FSTL4: variants seen among roughly 807,000 people sequenced by gnomAD.
FSTL4 encodes the protein follistatin-related protein 4.
Under a neutral mutation model 78.2 loss-of-function variants are expected in FSTL4, and 28 were observed. The ratio of observed to expected loss-of-function variants is 0.36; its 90% confidence interval spans 0.27 to 0.49. FSTL4 has a LOEUF of 0.49. Among genes scored for constraint, FSTL4 ranks in the 20% least tolerant of loss-of-function variants. The probability of loss-of-function intolerance (pLI) is 0.98; values close to 1 mark genes in which losing one functional copy is unlikely to be tolerated. For synonymous variants in FSTL4, 422 were observed against 440.5 expected (o/e 0.96, Z 0.53); for missense variants, 922 against 1,084.9 (o/e 0.85, Z 2.11).
Position 133,199,406 on chromosome 5 carries a change from G to A in FSTL4, c.2218C>T (p.Gln740Ter), listed in dbSNP as rs1446494284. The change falls in exon 16 of 16, where the codon CAG (glutamine) becomes TAG (stop). Residue 740 changes from glutamine to a stop codon, truncating the protein, a stop_gained. Transcript: ENST00000265342. LOFTEE classifies it low-confidence loss of function (END_TRUNC). This position sits in a 1 kb window ranked among gnomAD's most constrained non-coding sequence, Gnocchi z 4.4. The part of the protein sequence containing the change: ...INSGISDLAF[Q>*]RSFTESNQYN... ...TGATTGCTTTCAGTGAAGGAGCGCT[G>A]GAAGGCCAAGTCTGAGATGCCCGAG... The A allele has an allele frequency of 6.2e-7, 1 of 1,614,078 alleles. No homozygotes were observed. Among genetic ancestry groups the A allele is most frequent in the Non-Finnish European group, 8.5e-7 (1 of 1,180,034 alleles).
chr5:133,684,217 G>A, the FSTL4 span, among the ~76,000 whole-genome samples: 3 of 152,186 alleles, frequency 2.0e-5, no homozygotes, highest in Non-Finnish European at 4.4e-5. Flanking sequence ...TGACGGGTAA[G>A]CAAAAGATAG....
the FSTL4 span, among the ~76,000 whole-genome samples, chr5:133,648,933 T>C: frequency 2.6e-5 from 4 of 152,198 alleles, no homozygotes; most frequent in Admixed American, 1.3e-4. Context: ...ATTCTATGTG[T>C]TCAGACAAAT....
intron 6 of FSTL4, among the ~76,000 whole-genome samples, chr5:133,268,946 C>T (rs1752700733): frequency 6.6e-6 from 1 of 151,772 alleles, no homozygotes; most frequent in South Asian, 2.1e-4. Context: ...TTTTGGGAGG[C>T]CGAGGTGGGT....
At chr5:133,350,428 T>C (rs997406567) in intron 4 of FSTL4, among the ~76,000 whole-genome samples, 1 of 152,244 alleles carries the variant, frequency 6.6e-6, no homozygotes, top group Non-Finnish European at 1.5e-5. Context: ...CCACACAGCA[T>C]GGGCAGATCT....
chr5:133,646,946 G>A, the FSTL4 span, among the ~76,000 whole-genome samples: 1 of 152,098 alleles, frequency 6.6e-6, no homozygotes, highest in Non-Finnish European at 1.5e-5. Context: ...TCCTGCAAAG[G>A]TGTTACTGGA....
At chr5:133,411,937 C>T (rs556845815) in intron 3 of FSTL4, among the ~76,000 whole-genome samples, 6 of 152,020 alleles carry the variant, frequency 3.9e-5, no homozygotes, top group South Asian at 2.1e-4. Flanking sequence ...AGGTGAAAAA[C>T]GGAAAAACCA....
chr5:133,220,834 A>C lies in FSTL4; in HGVS notation c.1372T>G (p.Ser458Ala), dbSNP rs760757129. Residue 458 changes from serine (S) to alanine (A), a missense_variant, in exon 12 of 16, where the codon TCC becomes GCC. Transcript: ENST00000265342. ...LSVGNMFYVF[S>A]DDGIIVIHPV... is the part of the protein sequence containing the mutation. The stretch of plus-strand genomic sequence containing the variant: ...TGGATGACGATGATACCGTCGTCGG[A>C]GAAGACATAGAACATGTTTCCCACG... The C allele has an allele frequency of 1.1e-5, 17 of 1,611,750 alleles. No homozygotes were observed. The South Asian group carries it at 1.2e-4, about 11-fold the overall frequency.
intron 4 of FSTL4, among the ~76,000 whole-genome samples, chr5:133,334,927 C>T (rs1485436268): frequency 6.6e-6 from 1 of 152,142 alleles, no homozygotes; most frequent in Non-Finnish European, 1.5e-5. Context: ...GAGAAGAATA[C>T]AAGGCCTAAG....
At chr5:133,493,164 G>A (rs541835950) in intron 3 of FSTL4, among the ~76,000 whole-genome samples, 26 of 151,736 alleles carry the variant, frequency 1.7e-4, no homozygotes, top group African/African-American at 5.1e-4. Flanking sequence ...GTTTTATTAC[G>A]TGAAGATTCT....
At chr5:133,624,928 A>C in the FSTL4 span, among the ~76,000 whole-genome samples, 1 of 151,636 alleles carries the variant, frequency 6.6e-6, no homozygotes, top group African/African-American at 2.4e-5. Context: ...CTCTTCATTT[A>C]TTTAGAGCGT....
intron 6 of FSTL4, among the ~76,000 whole-genome samples, chr5:133,300,073 A>G (rs942563019): frequency 2.0e-5 from 3 of 152,162 alleles, no homozygotes; most frequent in African/African-American, 4.8e-5. Flanking sequence ...AGCTCTGTCC[A>G]TCGCTTGGCC....
At chr5:133,551,865 T>C (rs1759697405) in intron 3 of FSTL4, among the ~76,000 whole-genome samples, 1 of 152,232 alleles carries the variant, frequency 6.6e-6, no homozygotes, top group Non-Finnish European at 1.5e-5. Flanking sequence ...CTTAAATGCT[T>C]AAAGCAATTG....
intron 3 of FSTL4, among the ~76,000 whole-genome samples, chr5:133,483,027 G>A (rs998739151): frequency 3.3e-5 from 5 of 152,278 alleles, no homozygotes; most frequent in African/African-American, 1.2e-4. Context: ...CCTATGTGTC[G>A]TGGGAGGGAC....
intron 3 of FSTL4, among the ~76,000 whole-genome samples, chr5:133,434,067 A>C (rs536840906): frequency 6.6e-6 from 1 of 152,142 alleles, no homozygotes; most frequent in East Asian, 1.9e-4. Flanking sequence ...TGGCTATTGC[A>C]TGGAGATTGG....
At chr5:133,681,378 C>T in the FSTL4 span, among the ~76,000 whole-genome samples, 1 of 152,202 alleles carries the variant, frequency 6.6e-6, no homozygotes. Flanking sequence ...CTGCAACAGC[C>T]CTTCTTCACT....
intron 3 of FSTL4, among the ~76,000 whole-genome samples, chr5:133,517,479 C>CACCACACACACA (rs757109238): frequency 9.0e-5 from 5 of 55,548 alleles, no homozygotes; most frequent in Non-Finnish European, 1.6e-4. Context: ...CACACACACA[C>CACCACACACACA]CACACACACA....
At chr5:133,806,967 T>C in the FSTL4 span, among the ~76,000 whole-genome samples, 3 of 152,214 alleles carry the variant, frequency 2.0e-5, no homozygotes, top group Admixed American at 1.3e-4. Flanking sequence ...AAAGGACTTA[T>C]GAGGATGCTC....
At chr5:133,545,371 C>T (rs1372360771) in intron 3 of FSTL4, among the ~76,000 whole-genome samples, 1 of 152,130 alleles carries the variant, frequency 6.6e-6, no homozygotes, top group Non-Finnish European at 1.5e-5. Flanking sequence ...TCTCACAGGA[C>T]TGAATTAGTT....
At chr5:133,346,044 A>C (rs1561680825) in intron 4 of FSTL4, among the ~76,000 whole-genome samples, 1 of 152,246 alleles carries the variant, frequency 6.6e-6, no homozygotes, top group East Asian at 1.9e-4. Context: ...CATACACAAC[A>C]TGAAATACTA....
Sources: gnomAD v4.1 joint callset for allele counts (sites outside exome capture counted in the v4.1 genomes callset) on GRCh38, gnomAD v4.1.1 for gene constraint, Gnocchi (gnomAD v3.1) non-coding constraint, MANE v1.5 for transcripts, NCBI Gene and HGNC (gene_info 2026-07-23, HGNC 2026-07-21) for gene names.